Variants in MGST2 observed in about 807,000 individuals in gnomAD.
MGST2 encodes the protein glutathione peroxidase MGST2.
In MGST2, 9 loss-of-function variants were observed where a neutral mutation model predicts 16.6. That is an observed-to-expected ratio of 0.54 (90% CI 0.33 to 0.95). The LOEUF (loss-of-function observed/expected upper bound fraction) is 0.95. Ranked by LOEUF, MGST2 falls within the 40% of genes least tolerant of loss-of-function variation. The pLI is 0.03. For missense variants in MGST2, 159 were observed against 175.1 expected, an observed-to-expected ratio of 0.91 and a Z score of 0.52; for synonymous variants, 79 against 68.0, an observed-to-expected ratio of 1.16 and a Z score of -0.79.
At chr4:139,704,307 A>T, downstream of MGST2, 1 of 962,846 alleles carries the variant, frequency 1.0e-6, no homozygotes, top group Non-Finnish European at 1.6e-6. Flanking sequence ...TAAGAACTGA[A>T]ATTTGCTTGG....
intron 1 of MGST2, 112 bp downstream of exon 1, chr4:139,666,189 C>T: frequency 1.7e-6 from 2 of 1,146,796 alleles, no homozygotes; most frequent in Non-Finnish European, 2.6e-6. Flanking sequence ...TGTTTTGTTT[C>T]CTACTTGCCC....
rs1553943697 is a variant in MGST2, at chr4:139,666,115, TGC to T, written c.58+40_58+41del. The T allele has an allele frequency of 4.7e-4, 608 of 1,298,320 alleles. 1 individual carries two copies. In the African/African-American group the frequency reaches 0.021, roughly 44 times the overall value. The allele number at this position is 1,298,320 out of a possible 1,614,324, so 80.4% of individuals were successfully genotyped here. A position where few individuals can be genotyped will look rare whatever the true frequency, so the allele number is the denominator to read the frequency against. On this transcript the variant is annotated intron_variant, in intron 1 of 4. Coordinates refer to ENST00000265498, the MANE Select transcript of MGST2 (RefSeq NM_002413.5). ...GGAAGTTCGTGTGTGTGCGCGTGTGTGCGTGTGTGTGTGTGTGTGACAAGGCT... is the reference window on the plus strand; with the variant it reads ...GGAAGTTCGTGTGTGTGCGCGTGTGTGTGTGTGTGTGTGTGTGACAAGGCT...
At chr4:139,719,661 C>A (rs771255074) in intron 5 of MGST2, 18 of 1,613,024 alleles carry the variant, frequency 1.1e-5, no homozygotes, top group Non-Finnish European at 6.8e-6. Context: ...ATCTGCCGAC[C>A]CATGGCAGCT....
At chr4:139,687,223 A>G (rs937518687) in intron 2 of MGST2, among the ~76,000 whole-genome samples, 2 of 152,212 alleles carry the variant, frequency 1.3e-5, no homozygotes, top group African/African-American at 4.8e-5. Context: ...TTTGAGCAAC[A>G]ACACAGTAGT....
At chr4:139,718,650 C>T (rs1273450669) in intron 5 of MGST2, 1 of 152,400 alleles carries the variant, frequency 6.6e-6, no homozygotes, top group Non-Finnish European at 1.5e-5. Context: ...GCCTGCTCTC[C>T]TTGTGACAGC....
chr4:139,674,454 G>T (rs577763531), intron 1 of MGST2, among the ~76,000 whole-genome samples: 46 of 152,060 alleles, frequency 3.0e-4, no homozygotes, highest in African/African-American at 1.1e-3. Flanking sequence ...GGTAAATTGT[G>T]AGGGAGCTAT....
At chr4:139,719,440 T>A in intron 5 of MGST2, 1 of 1,613,956 alleles carries the variant, frequency 6.2e-7, no homozygotes, top group Non-Finnish European at 8.5e-7. Flanking sequence ...AACCCCCAGC[T>A]CCGTCGCCAC....
intron 1 of MGST2, among the ~76,000 whole-genome samples, chr4:139,668,081 C>A (rs1228704223): frequency 6.6e-6 from 1 of 152,058 alleles, no homozygotes; most frequent in East Asian, 1.9e-4. Flanking sequence ...TCCCAAAAGG[C>A]GGGACAACTG....
At position 139,704,232 on chromosome 4, in the gene MGST2, CTTTA is replaced by C. The variant is rs1727430440; in HGVS notation, c.*87_*90del. The C allele has an allele frequency of 1.5e-5, 23 of 1,515,550 alleles. No individual in the cohort carries two copies. In the South Asian group the frequency reaches 2.6e-4, roughly 17 times the overall value. The allele number at this position is 1,515,550 out of a possible 1,614,324, so 93.9% of individuals were successfully genotyped here. ...ATCATTTGTTAAATAAAAATAAAGT[CTTTA>C]TTCTGTTTTTCTTGAAATGGCTTTG... is the stretch of plus-strand genomic sequence containing the variant. On this transcript the variant is annotated 3_prime_UTR_variant, in exon 5 of 5. Transcript: ENST00000265498.
At chr4:139,704,391 G>A (rs1458918296), downstream of MGST2, 2 of 510,350 alleles carry the variant, frequency 3.9e-6, no homozygotes, top group Admixed American at 3.0e-5. Context: ...AGTCATGACC[G>A]GTTGTGTAGG....
chr4:139,742,330 G>T (rs6536414), downstream of MGST2, among the ~76,000 whole-genome samples: 41,294 of 151,876 alleles, frequency 0.27, 5,847 homozygotes, highest in Admixed American at 0.33. Context: ...TGTATTTTTA[G>T]TAGAGGCAGG....
chr4:139,682,730 A>G (rs1731323176), intron 2 of MGST2, among the ~76,000 whole-genome samples: 1 of 152,144 alleles, frequency 6.6e-6, no homozygotes, highest in South Asian at 2.1e-4. Context: ...TCCAGGCAAG[A>G]GATGATGGTG....
chr4:139,685,334 G>A (rs1356591714), intron 2 of MGST2: 1 of 162,032 alleles, frequency 6.2e-6, no homozygotes, highest in Non-Finnish European at 1.5e-5. Context: ...TGGGGAGGGA[G>A]GAAGGGAACA....
At chr4:139,723,556 C>A (rs1426473442) in intron 5 of MGST2, among the ~76,000 whole-genome samples, 1 of 152,136 alleles carries the variant, frequency 6.6e-6, no homozygotes, top group African/African-American at 2.4e-5. Flanking sequence ...AGGTGAACTG[C>A]CCGCCTCGGC....
At chr4:139,730,233 A>T (rs1172307536) in intron 5 of MGST2, 5 of 621,342 alleles carry the variant, frequency 8.0e-6, no homozygotes, top group Non-Finnish European at 1.4e-5. Flanking sequence ...TTAATTCATT[A>T]TAGGAAAAAC....
chr4:139,707,788 G>A (rs1261825538), downstream of MGST2, among the ~76,000 whole-genome samples: 4 of 152,076 alleles, frequency 2.6e-5, no homozygotes, highest in African/African-American at 9.7e-5. Flanking sequence ...GTTTTGATTT[G>A]CATTTCTCTG....
chr4:139,696,853 T>C lies in MGST2; in HGVS notation c.229+1586T>C, dbSNP rs77340738. ...TTCTCTTCCACAACATTGACGATCA[T>C]ATCCATAGAGTACCTTGTATCATGA... On this transcript the variant is annotated intron_variant, in intron 3 of 4. Coordinates refer to ENST00000265498, the MANE Select transcript of MGST2 (RefSeq NM_002413.5). Among the ~76,000 whole-genome samples, 1,200 of 152,320 alleles carry C rather than the reference T, an allele frequency of 7.9e-3. 18 individuals carry two copies. The highest frequency in any genetic ancestry group is 0.026 in the African/African-American group (1,083 of 41,568).
At chr4:139,671,026 C>T (rs970562067) in intron 1 of MGST2, among the ~76,000 whole-genome samples, 5 of 152,170 alleles carry the variant, frequency 3.3e-5, no homozygotes, top group Non-Finnish European at 7.3e-5. Context: ...GTTTGTAGGG[C>T]GTGACTTAAC....
chr4:139,695,976 A>C (rs1312500355), intron 3 of MGST2, among the ~76,000 whole-genome samples: 1 of 152,260 alleles, frequency 6.6e-6, no homozygotes, highest in Non-Finnish European at 1.5e-5. Context: ...CTTACTGAGT[A>C]CAGTCTACTA....
Sources: allele counts gnomAD v4.1 joint callset (sites outside exome capture counted in the v4.1 genomes callset), GRCh38; gene constraint gnomAD v4.1.1; transcripts MANE v1.5; gene names NCBI Gene and HGNC (gene_info 2026-07-23, HGNC 2026-07-21).